The following TNFRSF8 variants were observed in gnomAD, a reference collection of about 807,000 sequenced individuals.
TNFRSF8 encodes TNF receptor superfamily member 8, also known as tumor necrosis factor receptor superfamily member 8.
In TNFRSF8, 26 loss-of-function variants were observed where a neutral mutation model predicts 70.8. The observed-to-expected ratio is 0.37, with a 90% CI of 0.27 to 0.51. TNFRSF8 has a LOEUF of 0.51. Ranked by LOEUF, TNFRSF8 falls within the 20% of genes least tolerant of loss-of-function variation. The pLI is 0.94. For synonymous variants in TNFRSF8, 356 were observed against 339.2 expected, an observed-to-expected ratio of 1.05 and a Z score of -0.54; for missense variants, 720 against 807.9, an observed-to-expected ratio of 0.89 and a Z score of 1.32.
Position 12,113,027 on chromosome 1 carries a change from A to G in TNFRSF8, c.793+1013A>G, listed in dbSNP as rs776225017. Among the ~76,000 whole-genome samples, 9 of 152,276 alleles carry G rather than the reference A, an allele frequency of 5.9e-5. No homozygotes were observed. Among genetic ancestry groups the G allele is most frequent in the Admixed American group, 3.3e-4 (5 of 15,286 alleles). On this transcript the variant is annotated intron_variant, in intron 7 of 14. Coordinates refer to ENST00000263932, the MANE Select transcript of TNFRSF8 (RefSeq NM_001243.5). This position sits in a 1 kb window ranked among gnomAD's most constrained non-coding sequence, Gnocchi z 4.9. ...GTCCTAGTTACTAAGGCTGCATAGC[A>G]AATTTTCTTAAAACTTAATTGTGAA...
At position 12,115,676 on chromosome 1, in the gene TNFRSF8, C is replaced by G. The variant is rs778171119; in HGVS notation, c.893C>G (p.Ala298Gly). 5 of 1,614,064 alleles carry G rather than the reference C, an allele frequency of 3.1e-6. No homozygotes were observed. In the East Asian group the frequency reaches 8.9e-5, roughly 29 times the overall value. ...ICATSATNSC[A>G]RCVPYPICAA... ...GCCACATCAGCCACCAACTCCTGTG[C>G]CCGCTGTGTCCCCTACCCAATCTGT... The change falls in exon 8 of 15, where the codon GCC (alanine) becomes GGC (glycine). Residue 298 changes from alanine to glycine, a missense_variant. Ala to Gly is a moderately conservative substitution (Grantham distance 60). Coordinates refer to ENST00000263932, the MANE Select transcript of TNFRSF8 (RefSeq NM_001243.5).
At chr1:12,105,182 G>A (rs866141193) in intron 4 of TNFRSF8, among the ~76,000 whole-genome samples, 1 of 152,118 alleles carries the variant, frequency 6.6e-6, no homozygotes, top group Admixed American at 6.6e-5. Flanking sequence ...GTTGCAGACT[G>A]TATGGAGCCG....
At chr1:12,118,341 C>T (rs1641771611) in intron 8 of TNFRSF8, among the ~76,000 whole-genome samples, 1 of 151,954 alleles carries the variant, frequency 6.6e-6, no homozygotes, top group Non-Finnish European at 1.5e-5. Context: ...GAACTCCTGA[C>T]CCCAGGTGAT....
chr1:12,089,541 G>T (rs138066466), intron 2 of TNFRSF8, among the ~76,000 whole-genome samples: 4 of 152,134 alleles, frequency 2.6e-5, no homozygotes, highest in Non-Finnish European at 4.4e-5. Flanking sequence ...GTATGTGGGC[G>T]TGGAAGGGAG....
At chr1:12,079,585 C>T (rs1036622425) in intron 1 of TNFRSF8, among the ~76,000 whole-genome samples, 5 of 152,196 alleles carry the variant, frequency 3.3e-5, no homozygotes, top group East Asian at 3.8e-4. Flanking sequence ...CCTTCTCCAC[C>T]GGGAGCTGGG....
At chr1:12,106,158 C>T (rs1641520664) in intron 4 of TNFRSF8, among the ~76,000 whole-genome samples, 1 of 152,112 alleles carries the variant, frequency 6.6e-6, no homozygotes, top group African/African-American at 2.4e-5. Context: ...GATGTGATCC[C>T]AACACAGCCC....
At chr1:12,132,807 C>T (rs1300536851) in intron 12 of TNFRSF8, among the ~76,000 whole-genome samples, 2 of 136,336 alleles carry the variant, frequency 1.5e-5, no homozygotes, top group South Asian at 2.3e-4. Context: ...CACTACACTC[C>T]AGCCTCGGTG....
At chr1:12,079,544 C>T (rs373402022) in intron 1 of TNFRSF8, among the ~76,000 whole-genome samples, 1 of 152,354 alleles carries the variant, frequency 6.6e-6, no homozygotes, top group East Asian at 1.9e-4. Context: ...CAGACTTCTC[C>T]GGGCAGCGGC....
chr1:12,123,289 G>C lies in TNFRSF8; in HGVS notation c.952G>C (p.Ala318Pro), dbSNP rs1380774147. 1 of 1,612,366 alleles carries C rather than the reference G, an allele frequency of 6.2e-7. No individual in the cohort carries two copies. Among genetic ancestry groups the C allele is most frequent in the Admixed American group, 1.7e-5 (1 of 59,824 alleles). Reference protein sequence around the residue: ...AETVTKPQDMAEKDTTFEAPP... With the variant: ...AETVTKPQDMPEKDTTFEAPP... ...ATGTTACGTCCCCTCTGCAGATATGGCTGAGAAGGACACCACCTTTGAGGC... is the reference window on the plus strand; with the variant it reads ...ATGTTACGTCCCCTCTGCAGATATGCCTGAGAAGGACACCACCTTTGAGGC... Residue 318 changes from alanine to proline, a missense_variant, in exon 9 of 15, where the codon GCT (alanine) becomes CCT (proline). Ala to Pro is a conservative substitution (Grantham distance 27). Transcript: ENST00000263932.
intron 3 of TNFRSF8, 130 bp from the exon 4 acceptor site, chr1:12,104,249 C>T (rs1374955984): frequency 1.1e-6 from 1 of 923,242 alleles, no homozygotes; most frequent in African/African-American, 1.7e-5. Context: ...TTAGTGGTCA[C>T]CAGGGGGTTG....
intron 1 of TNFRSF8, among the ~76,000 whole-genome samples, chr1:12,081,506 C>A (rs141613755): frequency 2.0e-5 from 3 of 152,194 alleles, no homozygotes; most frequent in Non-Finnish European, 2.9e-5. Flanking sequence ...AGAGGACACT[C>A]TCCTCTCCTA....
intron 2 of TNFRSF8, among the ~76,000 whole-genome samples, chr1:12,091,970 A>G (rs1204887830): frequency 6.6e-6 from 1 of 152,168 alleles, no homozygotes; most frequent in Non-Finnish European, 1.5e-5. Flanking sequence ...GGTGGGGCTC[A>G]GGAGGTAATG....
chr1:12,104,618 G>C lies in TNFRSF8; in HGVS notation c.421+87G>C, dbSNP rs11569852. On this transcript the variant is annotated intron_variant, in intron 4 of 14. Transcript: ENST00000263932. ...CCACCCCAGTGCACTGTTGACTTCC[G>C]ACCTCCCGCTTCCCGGAGACTGTTG... 30 of 1,502,406 alleles carry C rather than the reference G, an allele frequency of 2.0e-5. No individual in the cohort carries two copies. The Admixed American group carries it at 5.2e-4, about 26-fold the overall frequency. 93.1% of individuals were successfully genotyped at this position (1,502,406 alleles called of 1,614,324 possible).
chr1:12,127,370 G>A (rs941147386), intron 12 of TNFRSF8, among the ~76,000 whole-genome samples: 1 of 152,254 alleles, frequency 6.6e-6, no homozygotes, highest in South Asian at 2.1e-4. Flanking sequence ...CTGGCCCAGG[G>A]CCACACAGCC....
chr1:12,078,645 C>A (rs567479529), intron 1 of TNFRSF8, among the ~76,000 whole-genome samples: 2 of 152,226 alleles, frequency 1.3e-5, no homozygotes, highest in East Asian at 3.9e-4. Context: ...CAGCACCCCC[C>A]CACCCCAGGC....
chr1:12,100,051 C>T (rs1237165332), intron 3 of TNFRSF8, among the ~76,000 whole-genome samples: 1 of 152,050 alleles, frequency 6.6e-6, no homozygotes, highest in Non-Finnish European at 1.5e-5. Context: ...TGTCTGTAGT[C>T]CCAGCTACTC....
chr1:12,088,090 G>A lies in TNFRSF8; in HGVS notation c.151+3539G>A, dbSNP rs538955898. Among the ~76,000 whole-genome samples, 26 of 152,170 alleles carry A rather than the reference G, an allele frequency of 1.7e-4. No homozygotes were observed. The highest frequency in any genetic ancestry group is 3.7e-4 in the Non-Finnish European group (25 of 68,018). ...TGTGGCCGGGTTTGCTTGTGGGCGGGTTGGTGGAGGAAGGAAGCTGAGGGA... is the reference window on the plus strand; with the variant it reads ...TGTGGCCGGGTTTGCTTGTGGGCGGATTGGTGGAGGAAGGAAGCTGAGGGA... On this transcript the variant is annotated intron_variant, in intron 2 of 14. Transcript: ENST00000263932. The surrounding 1 kb of genome is among the most constrained non-coding windows in gnomAD (Gnocchi z 4.0).
chr1:12,072,070 T>C (rs1384399114), intron 1 of TNFRSF8, among the ~76,000 whole-genome samples: 1 of 152,196 alleles, frequency 6.6e-6, no homozygotes, highest in Non-Finnish European at 1.5e-5. Context: ...TGACACTAGA[T>C]GGTGACTTGA....
intron 1 of TNFRSF8, among the ~76,000 whole-genome samples, chr1:12,073,761 T>C (rs367739151): frequency 1.3e-5 from 2 of 151,688 alleles, no homozygotes; most frequent in African/African-American, 4.8e-5. Flanking sequence ...GCCTGGCTAA[T>C]TTTTATGTAT....
Sources: gnomAD v4.1 joint callset for allele counts (sites outside exome capture counted in the v4.1 genomes callset) on GRCh38, gnomAD v4.1.1 for gene constraint, Gnocchi (gnomAD v3.1) non-coding constraint, MANE v1.5 for transcripts, NCBI Gene and HGNC (gene_info 2026-07-23, HGNC 2026-07-21) for gene names.